PLEKHG4B: variants seen among roughly 807,000 people sequenced by gnomAD.
The protein encoded by PLEKHG4B is pleckstrin homology and RhoGEF domain containing G4B.
Under a neutral mutation model 121.3 loss-of-function variants are expected in PLEKHG4B, and 111 were observed. That is an observed-to-expected ratio of 0.92 (90% confidence interval 0.78 to 1.07). The LOEUF is 1.07. PLEKHG4B is among the 50% of genes least tolerant of loss of function. The probability of loss-of-function intolerance (pLI) is 0.00; values close to 1 mark genes in which losing one functional copy is unlikely to be tolerated. For missense variants in PLEKHG4B, 1,831 were observed against 1,757.8 expected, an observed-to-expected ratio of 1.04 and a Z score of -0.74; for synonymous variants, 738 against 725.0, an observed-to-expected ratio of 1.02 and a Z score of -0.29.
In PLEKHG4B at chr5:164,652, C is replaced by CA. The variant is rs1553990097; in HGVS notation, c.3476+1104_3476+1105insA. ...AGCGGAGCTCACACTAATGCTCTGA[C>CA]GGGCGGAGCTCACACTAATACTCTG... On this transcript the variant is annotated intron_variant, in intron 13 of 19. Transcript: ENST00000637938. Among the ~76,000 whole-genome samples the CA allele has an allele frequency of 4.8e-5, 5 of 104,364 alleles. 1 individual carries two copies. Among genetic ancestry groups the CA allele is most frequent in the East Asian group, 2.8e-4 (1 of 3,570 alleles). The allele number at this position is 104,364 out of a possible 152,430, so 68.5% of individuals were successfully genotyped here.
rs1387296712 is a variant in PLEKHG4B at position 137,368 on chromosome 5, A to G, written c.244-2115A>G. The stretch of plus-strand genomic sequence containing the variant: ...TAACCGTGTGAATGTACTTAATGCC[A>G]CTGAACTGTACCCCGTAAACATAGT... On this transcript the variant is annotated intron_variant, in intron 2 of 19. Transcript: ENST00000637938. The surrounding 1 kb of genome is among the most constrained non-coding windows in gnomAD (Gnocchi z 4.2). 6.6e-6 allele frequency among the ~76,000 whole-genome samples: 1 copy of G among 152,168 alleles called. No individual in the cohort carries two copies. The highest frequency in any genetic ancestry group is 1.5e-5 in the Non-Finnish European group (1 of 68,028).
intron 1 of PLEKHG4B, among the ~76,000 whole-genome samples, chr5:94,498 G>C (rs1301950471): frequency 7.1e-6 from 1 of 141,768 alleles, no homozygotes; most frequent in East Asian, 1.9e-4. Flanking sequence ...AGGGGGTTGA[G>C]AGGTGGCAGG....
At chr5:142,698 C>A (rs762009354) in intron 3 of PLEKHG4B, among the ~76,000 whole-genome samples, 1 of 152,070 alleles carries the variant, frequency 6.6e-6, no homozygotes, top group Admixed American at 6.5e-5. Flanking sequence ...GTTACACATA[C>A]CACACATGCA....
rs760810874 is a variant in PLEKHG4B, at chr5:157,238, G to C, written c.2487+327G>C. ...TTCCGGACGCTTTCTCCATGTGCAT[G>C]CGTACACAGTGACTGAGAAGCCGAG... On this transcript the variant is annotated intron_variant, in intron 11 of 19. Coordinates refer to ENST00000637938, the MANE Select transcript of PLEKHG4B (RefSeq NM_052909.5). This position sits in a 1 kb window ranked among gnomAD's most constrained non-coding sequence, Gnocchi z 4.6. The C allele has an allele frequency of 5.8e-5, 21 of 364,012 alleles. No individual in the cohort carries two copies. Among genetic ancestry groups the C allele is most frequent in the Non-Finnish European group, 1.0e-4 (19 of 188,820 alleles). 22.5% of individuals were successfully genotyped at this position (364,012 alleles called of 1,614,324 possible).
chr5:177,077 G>T (rs943473758), intron 18 of PLEKHG4B, among the ~76,000 whole-genome samples: 21 of 152,008 alleles, frequency 1.4e-4, no homozygotes, highest in Admixed American at 2.6e-4. Context: ...ACAGAATTTT[G>T]GTTTAATTGA....
chr5:161,749 G>A lies in PLEKHG4B; in HGVS notation c.2488-34G>A, dbSNP rs200517140. The stretch of plus-strand genomic sequence containing the variant: ...CTGGAGACATGAACGTGGAAGCACC[G>A]GGCTTGTACTGATGCTTTGTTCCTT... On this transcript the variant is annotated intron_variant, in intron 11 of 19. Coordinates refer to ENST00000637938, the MANE Select transcript of PLEKHG4B (RefSeq NM_052909.5). 1.2e-4 allele frequency: 193 copies of A among 1,612,874 alleles called. 1 individual carries two copies. The African/African-American group carries it at 2.0e-3, about 17-fold the overall frequency.
At chr5:173,395 A>G (rs1736636462) in intron 17 of PLEKHG4B, among the ~76,000 whole-genome samples, 1 of 151,858 alleles carries the variant, frequency 6.6e-6, no homozygotes. Flanking sequence ...GGAGGTGCAC[A>G]GGGAGGGCTT....
chr5:171,510 C>A lies in PLEKHG4B; in HGVS notation c.4050+66C>A. ...AATTTGAGGCTGCTGGTGAGAAAGT[C>A]TTGGCCCCAGCAGCACACTTTTCTT... On this transcript the variant is annotated intron_variant, in intron 16 of 19. Transcript: ENST00000637938. The A allele has an allele frequency of 3.5e-6, 5 of 1,414,500 alleles. No homozygotes were observed. In the South Asian group the frequency reaches 3.9e-5, roughly 11 times the overall value. The allele number at this position is 1,414,500 out of a possible 1,614,324, so 87.6% of individuals were successfully genotyped here.
At chr5:98,584 G>A (rs1325074890) in intron 1 of PLEKHG4B, among the ~76,000 whole-genome samples, 1 of 148,852 alleles carries the variant, frequency 6.7e-6, no homozygotes, top group African/African-American at 2.5e-5. Flanking sequence ...ACAGGCATGT[G>A]CCACCATGCC....
At chr5:154,216 G>A (rs1037838742) in intron 7 of PLEKHG4B, among the ~76,000 whole-genome samples, 2 of 151,344 alleles carry the variant, frequency 1.3e-5, no homozygotes, top group Non-Finnish European at 2.9e-5. Flanking sequence ...GTGTTGGCCA[G>A]GATATCCTCG....
chr5:106,087 A>C (rs1733967559), intron 1 of PLEKHG4B, among the ~76,000 whole-genome samples: 2 of 152,234 alleles, frequency 1.3e-5, no homozygotes, highest in South Asian at 4.1e-4. Flanking sequence ...CCTTACTTCC[A>C]GCTAAGGTCA....
chr5:113,647 G>A lies in PLEKHG4B; in HGVS notation c.243+199G>A, dbSNP rs1038869284. On this transcript the variant is annotated intron_variant, in intron 2 of 19. Coordinates refer to ENST00000637938, the MANE Select transcript of PLEKHG4B (RefSeq NM_052909.5). The surrounding 1 kb of genome is among the most constrained non-coding windows in gnomAD (Gnocchi z 5.2). ...CAACAAGGGTTTCTCAGGCTTCCCA[G>A]GAGTGTGGAGCCCTCTTTGTCCCCC... Among the ~76,000 whole-genome samples, 1 of 152,212 alleles carries A rather than the reference G, an allele frequency of 6.6e-6. No individual in the cohort carries two copies. The highest frequency in any genetic ancestry group is 1.5e-5 in the Non-Finnish European group (1 of 68,046).
intron 13 of PLEKHG4B, among the ~76,000 whole-genome samples, chr5:164,969 C>T (rs1362806300): frequency 1.2e-3 from 58 of 48,902 alleles, no homozygotes; most frequent in Non-Finnish European, 2.1e-3. Flanking sequence ...AATGCTCTGA[C>T]GGGGCGGAGC....
intron 1 of PLEKHG4B, among the ~76,000 whole-genome samples, chr5:106,835 CTG>C (rs367579482): frequency 1.3e-5 from 2 of 151,536 alleles, no homozygotes; most frequent in African/African-American, 2.4e-5. Context: ...CGTGCAGCTT[CTG>C]TGTGTGTGTG....
chr5:133,322 C>T (rs769428422), intron 2 of PLEKHG4B, among the ~76,000 whole-genome samples: 1 of 151,362 alleles, frequency 6.6e-6, no homozygotes, highest in Non-Finnish European at 1.5e-5. Context: ...GGTATATGAC[C>T]ATATCATCAA....
At position 156,913 on chromosome 5, in the gene PLEKHG4B, T is replaced by A. The variant is rs1403972225; in HGVS notation, c.2487+2T>A. 6.2e-7 allele frequency: 1 copy of A among 1,611,384 alleles called. No individual in the cohort carries two copies. Among genetic ancestry groups the A allele is most frequent in the South Asian group, 1.1e-5 (1 of 90,436 alleles). On this transcript the variant is annotated splice_donor_variant, in intron 11 of 19. Coordinates refer to ENST00000637938, the MANE Select transcript of PLEKHG4B (RefSeq NM_052909.5). LOFTEE classifies it high-confidence loss of function. The surrounding 1 kb of genome is among the most constrained non-coding windows in gnomAD (Gnocchi z 4.4). ...TCACTCCTGGAAGGGAATGACCAGG[T>A]CAGAGCTGCAGGAGGAAGGCGGCCC...
intron 2 of PLEKHG4B, among the ~76,000 whole-genome samples, chr5:135,696 T>TATATATATATAC (rs1734959439): frequency 1.7e-5 from 1 of 57,446 alleles, no homozygotes; most frequent in African/African-American, 1.0e-4. Context: ...TATATATATA[T>TATATATATATAC]ATATATATAT....
intron 18 of PLEKHG4B, among the ~76,000 whole-genome samples, chr5:180,409 TC>T (rs369081853): frequency 9.6e-4 from 146 of 152,180 alleles, no homozygotes; most frequent in African/African-American, 3.4e-3. Context: ...AGATTTTATC[TC>T]CCCACCCTGT....
At chr5:176,671 G>A (rs983881347) in intron 18 of PLEKHG4B, among the ~76,000 whole-genome samples, 4 of 152,196 alleles carry the variant, frequency 2.6e-5, no homozygotes, top group South Asian at 2.1e-4. Context: ...GGTGCTTCCC[G>A]GTCATCCCTG....
Sources: gnomAD v4.1 joint callset for allele counts (sites outside exome capture counted in the v4.1 genomes callset) on GRCh38, gnomAD v4.1.1 for gene constraint, Gnocchi (gnomAD v3.1) non-coding constraint, MANE v1.5 for transcripts, NCBI Gene and HGNC (gene_info 2026-07-23, HGNC 2026-07-21) for gene names.